The following LHX5 variants were observed in gnomAD, a reference collection of about 807,000 sequenced individuals.
LHX5 encodes LIM/homeobox protein Lhx5.
A neutral mutation model predicts 30.6 loss-of-function variants in LHX5; 5 were observed. The observed-to-expected ratio is 0.16, with a 90% confidence interval of 0.09 to 0.34. The LOEUF (loss-of-function observed/expected upper bound fraction) is 0.34. Ranked by LOEUF, LHX5 falls within the 10% of genes least tolerant of loss-of-function variation. LHX5 has a pLI of 1.00. For synonymous variants in LHX5, 266 were observed against 252.6 expected (o/e 1.05, Z -0.50); for missense variants, 458 against 570.6 (o/e 0.80, Z 2.01).
intron 3 of LHX5, 41 bp downstream of exon 3, chr12:113,468,086 G>C: frequency 6.8e-7 from 1 of 1,476,234 alleles, no homozygotes; most frequent in Non-Finnish European, 9.0e-7. Flanking sequence ...CCGGCTCCCA[G>C]GCCAGCGGGG....
rs950306272 is a variant in LHX5 at position 113,462,848 on chromosome 12, G to A, written c.*342C>T. 6.8e-5 allele frequency: 14 copies of A among 205,438 alleles called. No individual in the cohort carries two copies. Among genetic ancestry groups the A allele is most frequent in the Non-Finnish European group, 1.3e-4 (14 of 104,186 alleles). The allele number at this position is 205,438 out of a possible 1,614,324, so 12.7% of individuals were successfully genotyped here. ...CCCTCTCTCAGTCCAAAGAGGTGGC[G>A]GTGGCTGGGTGGGTGGGTGGGGGCC... On this transcript the variant is annotated 3_prime_UTR_variant, in exon 5 of 5. Transcript: ENST00000261731.
intron 2 of LHX5, 38 bp downstream of exon 2, chr12:113,469,084 C>A: frequency 3.3e-6 from 5 of 1,508,724 alleles, no homozygotes; most frequent in Non-Finnish European, 3.6e-6. Context: ...TGGGAGGGTG[C>A]TAAGGCCTAA....
Position 113,471,543 on chromosome 12 carries a change from G to A in LHX5, c.-45C>T. 3 of 1,535,822 alleles carry A rather than the reference G, an allele frequency of 2.0e-6. No homozygotes were observed. The highest frequency in any genetic ancestry group is 2.4e-5 in the East Asian group (1 of 41,180). On this transcript the variant is annotated 5_prime_UTR_variant, in exon 1 of 5. Transcript: ENST00000261731. ...TTCGGCCGCCTTGCCCTCCCTTTGG[G>A]CCCCTGGCCCTCGGGCCTGCCGGGC...
chr12:113,471,616 G>C lies in LHX5; in HGVS notation c.-118C>G. 1 of 1,009,424 alleles carries C rather than the reference G, an allele frequency of 9.9e-7. No individual in the cohort carries two copies. Among genetic ancestry groups the C allele is most frequent in the Non-Finnish European group, 1.4e-6 (1 of 702,342 alleles). 62.5% of individuals were successfully genotyped at this position (1,009,424 alleles called of 1,614,324 possible). A position where few individuals can be genotyped will look rare whatever the true frequency, so the allele number is the denominator to read the frequency against. On this transcript the variant is annotated 5_prime_UTR_variant, in exon 1 of 5. Transcript: ENST00000261731. ...GTCTCAGCAGCTGCAGGGCGAGTCT[G>C]GTCCGGACCAAGACTCAGCCGGTCC...
chr12:113,463,541 G>A lies in LHX5; in HGVS notation c.858C>T (p.Tyr286=), dbSNP rs770962645. 1.0e-5 allele frequency: 16 copies of A among 1,552,304 alleles called. No individual in the cohort carries two copies. The East Asian group carries it at 3.9e-4, about 37-fold the overall frequency. The change falls in exon 5 of 5, where the codon TAC becomes TAT. Residue 286 remains tyrosine, a synonymous_variant. Coordinates refer to ENST00000261731, the MANE Select transcript of LHX5 (RefSeq NM_022363.3). This position sits in a 1 kb window ranked among gnomAD's most constrained non-coding sequence, Gnocchi z 6.7. The stretch of plus-strand genomic sequence containing the variant: ...AGTCGTAGTTGCTTCCCGGCGCGTA[G>A]TAGTCGCCTTGGTAGTCTGCGGAGG... The part of the protein sequence containing the change: ...YTYYGDYQGD[Y]YAPGSNYDFF...
rs1958215773 is a variant in LHX5, at chr12:113,466,478, T to A, written c.841+778A>T. Among the ~76,000 whole-genome samples the A allele has an allele frequency of 6.6e-6, 1 of 152,194 alleles. No individual in the cohort carries two copies. The highest frequency in any genetic ancestry group is 2.4e-5 in the African/African-American group (1 of 41,456). ...CCACCATCTGAAGCCCTTTGTAAAC[T>A]GGGGCTCCTCGCTCTCTGCAGCCCC... On this transcript the variant is annotated intron_variant, in intron 4 of 4. Transcript: ENST00000261731. The surrounding 1 kb of genome is among the most constrained non-coding windows in gnomAD (Gnocchi z 6.5).
rs1958204636 is a variant in LHX5, at chr12:113,465,112, C to A, written c.842-1555G>T. ...CTGATGCCCCCTGCCACCCTCTTCC[C>A]TCTCCAAACCCTGAAATCTGTCCAA... is the stretch of plus-strand genomic sequence containing the variant. On this transcript the variant is annotated intron_variant, in intron 4 of 4. Coordinates refer to ENST00000261731, the MANE Select transcript of LHX5 (RefSeq NM_022363.3). The surrounding 1 kb of genome is among the most constrained non-coding windows in gnomAD (Gnocchi z 6.7). Among the ~76,000 whole-genome samples, 1 of 152,258 alleles carries A rather than the reference C, an allele frequency of 6.6e-6. No homozygotes were observed. The highest frequency in any genetic ancestry group is 6.5e-5 in the Admixed American group (1 of 15,290).
In LHX5 at chr12:113,471,396, A is replaced by C; in HGVS notation, c.103T>G (p.Cys35Gly). ...WHIKCVQCCE[C>G]KTNLSEKCFS... is the part of the protein sequence containing the mutation. ...CACTTCTCCGAGAGGTTGGTTTTGC[A>C]CTCGCAGCACTGAACACATTTGATG... Residue 35 changes from cysteine (C) to glycine (G), a missense_variant, in exon 1 of 5, where the codon TGC (cysteine) becomes GGC (glycine). Cys to Gly is a radical substitution (Grantham distance 159). This residue lies in a region of LHX5 where 178 missense variants were observed against 238.5 expected (regional missense o/e 0.75). Coordinates refer to ENST00000261731, the MANE Select transcript of LHX5 (RefSeq NM_022363.3). 1 of 1,613,894 alleles carries C rather than the reference A, an allele frequency of 6.2e-7. No individual in the cohort carries two copies. Among genetic ancestry groups the C allele is most frequent in the Non-Finnish European group, 8.5e-7 (1 of 1,179,892 alleles).
At chr12:113,468,488 C>T in intron 2 of LHX5, 84 bp from the exon 3 acceptor site, 1 of 1,453,924 alleles carries the variant, frequency 6.9e-7, no homozygotes, top group Non-Finnish European at 9.2e-7. Flanking sequence ...TTCCCGCCGG[C>T]CCAAGCTACG....
Position 113,463,662 on chromosome 12 carries a change from C to A in LHX5, c.842-105G>T, listed in dbSNP as rs1260787679. On this transcript the variant is annotated intron_variant, in intron 4 of 4. Transcript: ENST00000261731. The surrounding 1 kb of genome is among the most constrained non-coding windows in gnomAD (Gnocchi z 6.7). ...GACCCGGGCGGGCGAGAGAGGGGAG[C>A]GCGCGACACCGACCCAAGGTTAGAG... 1 of 1,214,960 alleles carries A rather than the reference C, an allele frequency of 8.2e-7. No individual in the cohort carries two copies. 75.3% of individuals were successfully genotyped at this position (1,214,960 alleles called of 1,614,324 possible).
In LHX5 at chr12:113,465,554, G is replaced by C. The variant is rs1958209447; in HGVS notation, c.841+1702C>G. ...CGGATTAGGCGGGGCTGCCTCGCTGGGGGCTGGGGAGTCTTCCCCACCATT... is the reference window on the plus strand; with the variant it reads ...CGGATTAGGCGGGGCTGCCTCGCTGCGGGCTGGGGAGTCTTCCCCACCATT... On this transcript the variant is annotated intron_variant, in intron 4 of 4. Transcript: ENST00000261731. This position sits in a 1 kb window ranked among gnomAD's most constrained non-coding sequence, Gnocchi z 6.7. Among the ~76,000 whole-genome samples the C allele has an allele frequency of 6.6e-6, 1 of 152,242 alleles. No homozygotes were observed. The highest frequency in any genetic ancestry group is 2.1e-4 in the South Asian group (1 of 4,834).
rs936479117 is a variant in LHX5, at chr12:113,462,160, T to C, written c.*1030A>G. 2 of 152,256 alleles carry C rather than the reference T, an allele frequency of 1.3e-5. No individual in the cohort carries two copies. 9.4% of individuals were successfully genotyped at this position (152,256 alleles called of 1,614,324 possible). ...CCCTCCGTCACTCTGCCCTACCTCC[T>C]CTTAAAAATATAAAAATGTCCAACC... On this transcript the variant is annotated 3_prime_UTR_variant, in exon 5 of 5. Coordinates refer to ENST00000261731, the MANE Select transcript of LHX5 (RefSeq NM_022363.3).
Position 113,465,600 on chromosome 12 carries a change from A to G in LHX5, c.841+1656T>C, listed in dbSNP as rs1347050623. Among the ~76,000 whole-genome samples, 2 of 152,188 alleles carry G rather than the reference A, an allele frequency of 1.3e-5. No homozygotes were observed. Among genetic ancestry groups the G allele is most frequent in the Non-Finnish European group, 2.9e-5 (2 of 68,008 alleles). On this transcript the variant is annotated intron_variant, in intron 4 of 4. Coordinates refer to ENST00000261731, the MANE Select transcript of LHX5 (RefSeq NM_022363.3). This position sits in a 1 kb window ranked among gnomAD's most constrained non-coding sequence, Gnocchi z 6.7. ...CCATTACGGGGAACGAGGGGCCCCC[A>G]GTATCCAGCTCCCCACCTCATCCAG...
Position 113,469,224 on chromosome 12 carries a change from G to A in LHX5, c.295C>T (p.Leu99=), listed in dbSNP as rs776685668. The change falls in exon 2 of 5, where the codon CTG becomes TTG. Residue 99 remains leucine (L), a synonymous_variant. Coordinates refer to ENST00000261731, the MANE Select transcript of LHX5 (RefSeq NM_022363.3). ...CFTCMVCNKQ[L]STGEELYVID... Reference sequence around the variant, plus strand: ...ACGTAGAGCTCCTCGCCGGTGGACAGCTGCTTGTTACACACCATGCAGGTG... The same window carrying A: ...ACGTAGAGCTCCTCGCCGGTGGACAACTGCTTGTTACACACCATGCAGGTG... The A allele has an allele frequency of 1.9e-6, 3 of 1,614,132 alleles. No homozygotes were observed. Among genetic ancestry groups the A allele is most frequent in the Admixed American group, 3.3e-5 (2 of 60,016 alleles).
Position 113,463,022 on chromosome 12 carries a change from C to G in LHX5, c.*168G>C, listed in dbSNP as rs1338931877. On this transcript the variant is annotated 3_prime_UTR_variant, in exon 5 of 5. Transcript: ENST00000261731. The surrounding 1 kb of genome is among the most constrained non-coding windows in gnomAD (Gnocchi z 6.7). ...CGGGGTGGAGATGGGGGTCGGCCCC[C>G]CCTCGGCGCCCAGCCGAGGAGCAGC... 6 of 606,692 alleles carry G rather than the reference C, an allele frequency of 9.9e-6. No homozygotes were observed. Among genetic ancestry groups the G allele is most frequent in the Admixed American group, 3.9e-5 (1 of 25,970 alleles). The allele number at this position is 606,692 out of a possible 1,614,324, so 37.6% of individuals were successfully genotyped here.
chr12:113,469,243 G>A lies in LHX5; in HGVS notation c.276C>T (p.Cys92=). 6.2e-7 allele frequency: 1 copy of A among 1,614,240 alleles called. No individual in the cohort carries two copies. The highest frequency in any genetic ancestry group is 8.5e-7 in the Non-Finnish European group (1 of 1,180,022). ...SKVFHLNCFT[C]MVCNKQLSTG... is the part of the protein sequence containing the mutation. ...TGGACAGCTGCTTGTTACACACCAT[G>A]CAGGTGAAACAGTTGAGGTGAAAGA... The change falls in exon 2 of 5, where the codon TGC becomes TGT. Residue 92 remains cysteine (C), a synonymous_variant. Transcript: ENST00000261731.
chr12:113,468,487 G>A, intron 2 of LHX5, 83 bp from the exon 3 acceptor site: 9 of 1,456,122 alleles, frequency 6.2e-6, no homozygotes, highest in Non-Finnish European at 8.3e-6. Context: ...GTTCCCGCCG[G>A]CCCAAGCTAC....
rs941316613 is a variant in LHX5, at chr12:113,463,275, G to T, written c.1124C>A (p.Pro375Gln). 1 of 1,525,682 alleles carries T rather than the reference G, an allele frequency of 6.6e-7. No individual in the cohort carries two copies. The highest frequency in any genetic ancestry group is 2.1e-5 in the Admixed American group (1 of 48,636). The allele number at this position is 1,525,682 out of a possible 1,614,324, so 94.5% of individuals were successfully genotyped here. Residue 375 changes from proline to glutamine, a missense_variant, in exon 5 of 5, where the codon CCG becomes CAG. By Grantham distance (76) the Pro-to-Gln change is moderately conservative. Transcript: ENST00000261731. The surrounding 1 kb of genome is among the most constrained non-coding windows in gnomAD (Gnocchi z 6.7). ...PGEVFSGGPS[P>Q]PFPMSGTSGY... ...GCTGGTGCCGCTCATTGGGAAGGGCGGGCTGGGCCCGCCGCTGAATACCTC... is the reference window on the plus strand; with the variant it reads ...GCTGGTGCCGCTCATTGGGAAGGGCTGGCTGGGCCCGCCGCTGAATACCTC...
At chr12:113,470,170 C>A (rs1460591230) in intron 1 of LHX5, among the ~76,000 whole-genome samples, 2 of 152,150 alleles carry the variant, frequency 1.3e-5, no homozygotes, top group Non-Finnish European at 2.9e-5. Context: ...AGAAAGCCAG[C>A]CTCCCCCGAA....
Sources: allele counts gnomAD v4.1 joint callset (sites outside exome capture counted in the v4.1 genomes callset), GRCh38; gene constraint gnomAD v4.1.1; regional missense constraint gnomAD v4.1.1; non-coding constraint Gnocchi (gnomAD v3.1); transcripts MANE v1.5; gene names NCBI Gene and HGNC (gene_info 2026-07-23, HGNC 2026-07-21).